The following MEIS3 variants were observed in gnomAD, a reference collection of about 807,000 sequenced individuals.
MEIS3 encodes the protein Meis homeobox 3, also known as homeobox protein Meis3.
Under a neutral mutation model 51.4 loss-of-function variants are expected in MEIS3, and 38 were observed. That is an observed-to-expected ratio of 0.74 (90% CI 0.57 to 0.97). The LOEUF is 0.97. Ranked by LOEUF, MEIS3 falls within the 50% of genes least tolerant of loss-of-function variation. The probability of loss-of-function intolerance (pLI) is 0.00; values close to 1 mark genes in which losing one functional copy is unlikely to be tolerated. For missense variants in MEIS3, 456 were observed against 502.6 expected, an observed-to-expected ratio of 0.91 and a Z score of 0.89; for synonymous variants, 198 against 201.8, an observed-to-expected ratio of 0.98 and a Z score of 0.16.
intron 9 of MEIS3, 32 bp from the exon 10 acceptor site, chr19:47,407,169 G>T (rs1970872313): frequency 1.9e-6 from 3 of 1,597,364 alleles, no homozygotes; most frequent in Non-Finnish European, 2.6e-6. Flanking sequence ...GGAGGGGAAT[G>T]AAAAGAGGGA....
chr19:47,406,560 C>A, intron 11 of MEIS3, 34 bp from the exon 12 acceptor site: 1 of 1,607,964 alleles, frequency 6.2e-7, no homozygotes, highest in East Asian at 2.2e-5. Flanking sequence ...GTAAGTGCGT[C>A]TTTCAGAGAC....
chr19:47,415,147 G>A (rs1413063736), intron 4 of MEIS3, 46 bp from the exon 5 acceptor site: 2 of 927,924 alleles, frequency 2.2e-6, no homozygotes, highest in Non-Finnish European at 3.3e-6. Context: ...GGAATTGGGG[G>A]AGGGAGCAGG....
At chr19:47,409,733 T>G (rs781299204) in intron 6 of MEIS3, among the ~76,000 whole-genome samples, 186 bp from the exon 7 acceptor site, 3 of 151,698 alleles carry the variant, frequency 2.0e-5, no homozygotes, top group Non-Finnish European at 2.9e-5. Context: ...TGTGGTGGCA[T>G]GCACCTGTAG....
At chr19:47,421,395 C>T (rs1971712020), upstream of MEIS3, among the ~76,000 whole-genome samples, 1 of 152,176 alleles carries the variant, frequency 6.6e-6, no homozygotes, top group Non-Finnish European at 1.5e-5. Flanking sequence ...CAGGCAGCCA[C>T]GTCCCCCGGG....
At position 47,417,246 on chromosome 19, in the gene MEIS3, C is replaced by A; in HGVS notation, c.117G>T (p.Arg39=). 6.2e-7 allele frequency: 1 copy of A among 1,605,734 alleles called. No homozygotes were observed. The highest frequency in any genetic ancestry group is 1.7e-5 in the Admixed American group (1 of 58,548). The change falls in exon 2 of 13, where the codon CGG becomes CGT. Residue 39 remains arginine (R), a synonymous_variant. Coordinates refer to ENST00000558555, the MANE Select transcript of MEIS3 (RefSeq NM_001301059.2). The stretch of plus-strand genomic sequence containing the variant: ...AGCCTGGGGGCAGGGGCTGGGGAGG[C>A]CGGTGCGGGCCATAGGGCCCTGGTA... ...PAVPGPYGPH[R]PPQPLPPGLD...
chr19:47,414,574 T>C (rs974803483), intron 6 of MEIS3, 143 bp downstream of exon 6: 9 of 909,552 alleles, frequency 9.9e-6, no homozygotes, highest in Non-Finnish European at 1.5e-5. Context: ...GTGTAGTGGG[T>C]GTGTGGCTGT....
At chr19:47,409,310 G>A (rs1971007348) in intron 7 of MEIS3, 63 bp from the exon 8 acceptor site, 1 of 1,584,834 alleles carries the variant, frequency 6.3e-7, no homozygotes, top group Admixed American at 1.8e-5. Flanking sequence ...GAGGGCCCCA[G>A]AACTCTCCCC....
At chr19:47,408,852 T>C (rs1273827703) in intron 8 of MEIS3, among the ~76,000 whole-genome samples, 3 of 152,104 alleles carry the variant, frequency 2.0e-5, no homozygotes, top group African/African-American at 7.2e-5. Context: ...AGGTGGATGA[T>C]TGATGCGCGG....
intron 9 of MEIS3, 26 bp downstream of exon 9, chr19:47,407,314 GCCCCGGGCCGGC>G (rs770754258): frequency 6.3e-7 from 1 of 1,594,444 alleles, no homozygotes; most frequent in Non-Finnish European, 8.6e-7. Context: ...CCGGGCTCTC[GCCCCGGGCCGGC>G]CCGCGGGCCC....
Position 47,405,694 on chromosome 19 carries a change from T to G in MEIS3, c.*17+766A>C, listed in dbSNP as rs376214568. ...CCTCCAGAGTAGCTGGGACTATGGGTACATGCCACCACACCTGGCTAATTT... is the reference window on the plus strand; with the variant it reads ...CCTCCAGAGTAGCTGGGACTATGGGGACATGCCACCACACCTGGCTAATTT... On this transcript the variant is annotated intron_variant, in intron 12 of 12. Coordinates refer to ENST00000558555, the MANE Select transcript of MEIS3 (RefSeq NM_001301059.2). 2.7e-4 allele frequency among the ~76,000 whole-genome samples: 41 copies of G among 151,710 alleles called. 1 individual carries two copies. The highest frequency in any genetic ancestry group is 1.5e-3 in the East Asian group (8 of 5,170).
In MEIS3 at chr19:47,407,063, C is replaced by T. The variant is rs200473496; in HGVS notation, c.994+16G>A. 363 of 1,606,790 alleles carry T rather than the reference C, an allele frequency of 2.3e-4. 1 individual carries two copies. In the African/African-American group the frequency reaches 4.5e-3, roughly 20 times the overall value. ...CTAAGAACCCCAGGCTCTCCGTCCCCGCCTTCCCCCTGTACCTGTGCGGTT... is the reference window on the plus strand; with the variant it reads ...CTAAGAACCCCAGGCTCTCCGTCCCTGCCTTCCCCCTGTACCTGTGCGGTT... On this transcript the variant is annotated intron_variant, in intron 10 of 12. Transcript: ENST00000558555.
intron 8 of MEIS3, chr19:47,407,717 A>C: frequency 2.3e-6 from 1 of 439,040 alleles, no homozygotes; most frequent in Non-Finnish European, 3.8e-6. Context: ...GGCGTGGGGG[A>C]GGGGCTTCAC....
At chr19:47,406,263 T>A in intron 12 of MEIS3, 197 bp downstream of exon 12, 1 of 513,302 alleles carries the variant, frequency 1.9e-6, no homozygotes, top group South Asian at 2.9e-5. Flanking sequence ...GATGGATACA[T>A]GGAGGAGGAG....
At chr19:47,414,540 C>T (rs527979105) in intron 6 of MEIS3, among the ~76,000 whole-genome samples, 177 bp downstream of exon 6, 22 of 152,196 alleles carry the variant, frequency 1.4e-4, no homozygotes, top group African/African-American at 5.1e-4. Flanking sequence ...GTTGCCCAGC[C>T]GCATCCGAGT....
chr19:47,405,428 T>C (rs760934549), intron 12 of MEIS3, among the ~76,000 whole-genome samples: 22 of 152,164 alleles, frequency 1.4e-4, no homozygotes, highest in Non-Finnish European at 1.5e-5. Flanking sequence ...GACTCCCTCC[T>C]ATGGGGAAAC....
At chr19:47,414,213 G>A (rs775165740) in intron 6 of MEIS3, among the ~76,000 whole-genome samples, 2 of 152,140 alleles carry the variant, frequency 1.3e-5, no homozygotes, top group Non-Finnish European at 2.9e-5. Flanking sequence ...CCGGGCCCAA[G>A]TGTGGTTATA....
chr19:47,409,329 C>G (rs1971008363), intron 7 of MEIS3, 82 bp from the exon 8 acceptor site: 2 of 1,577,850 alleles, frequency 1.3e-6, no homozygotes, highest in Non-Finnish European at 1.7e-6. Flanking sequence ...CCCAAGACAA[C>G]ACTCCACACC....
intron 10 of MEIS3, 22 bp from the exon 11 acceptor site, chr19:47,406,993 G>T (rs373379484): frequency 1.9e-6 from 3 of 1,573,422 alleles, no homozygotes; most frequent in African/African-American, 1.3e-5. Flanking sequence ...GTTCAGAGGT[G>T]CAGGCTGAGC....
rs532565282 is a variant in MEIS3, at chr19:47,404,930, C to T, written c.*18-1377G>A. ...CAACATTACCCAGCACAGGGCTGGG[C>T]ACAGAGGGGCTCAGGGGATGGATGG... On this transcript the variant is annotated intron_variant, in intron 12 of 12. Transcript: ENST00000558555. 3.3e-5 allele frequency among the ~76,000 whole-genome samples: 5 copies of T among 152,342 alleles called. No individual in the cohort carries two copies. The South Asian group carries it at 1.0e-3, about 32-fold the overall frequency.
Sources: gnomAD v4.1 joint callset for allele counts (sites outside exome capture counted in the v4.1 genomes callset) on GRCh38, gnomAD v4.1.1 for gene constraint, MANE v1.5 for transcripts, NCBI Gene and HGNC (gene_info 2026-07-23, HGNC 2026-07-21) for gene names.